OLA1: variants seen among roughly 807,000 people sequenced by gnomAD.
OLA1 encodes Obg like ATPase 1.
A neutral mutation model predicts 48.4 loss-of-function variants in OLA1; 14 were observed. That is an observed-to-expected ratio of 0.29 (90% CI 0.19 to 0.45). OLA1 has a LOEUF of 0.45. OLA1 is among the 20% of genes least tolerant of loss of function. The probability of loss-of-function intolerance (pLI) is 1.00; values close to 1 mark genes in which losing one functional copy is unlikely to be tolerated. For missense variants in OLA1, 325 were observed against 467.1 expected (o/e 0.70, Z 2.80); for synonymous variants, 127 against 150.4 (o/e 0.84, Z 1.14).
chr2:174,153,019 C>T (rs1686782965), intron 4 of OLA1, among the ~76,000 whole-genome samples: 1 of 152,106 alleles, frequency 6.6e-6, no homozygotes, highest in South Asian at 2.1e-4. Context: ...TCAATCTAGA[C>T]CAAGAGGAAT....
At chr2:174,171,415 G>A (rs1687299670) in intron 4 of OLA1, among the ~76,000 whole-genome samples, 1 of 152,082 alleles carries the variant, frequency 6.6e-6, no homozygotes, top group African/African-American at 2.4e-5. Flanking sequence ...TCACACAGAG[G>A]ATGATCCCTA....
chr2:174,189,648 G>C (rs758245113), intron 4 of OLA1, among the ~76,000 whole-genome samples: 1 of 152,104 alleles, frequency 6.6e-6, no homozygotes, highest in Non-Finnish European at 1.5e-5. Flanking sequence ...CAAGGTCATA[G>C]AGAAATAGGC....
intron 5 of OLA1, among the ~76,000 whole-genome samples, chr2:174,136,799 G>A (rs760833483): frequency 2.0e-5 from 3 of 151,856 alleles, no homozygotes; most frequent in Admixed American, 6.6e-5. Flanking sequence ...AGCCTCTCGA[G>A]TAGCTAGGAT....
intron 4 of OLA1, among the ~76,000 whole-genome samples, chr2:174,170,853 G>A (rs1172681089): frequency 1.3e-5 from 2 of 152,208 alleles, no homozygotes; most frequent in Admixed American, 6.5e-5. Flanking sequence ...GCAGTGAACC[G>A]TGATTGTGGC....
chr2:174,171,543 A>G (rs867462746), intron 4 of OLA1, among the ~76,000 whole-genome samples: 25 of 152,212 alleles, frequency 1.6e-4, no homozygotes, highest in Non-Finnish European at 3.1e-4. Context: ...CACAAGAGAA[A>G]TAAGGAAATA....
intron 4 of OLA1, among the ~76,000 whole-genome samples, chr2:174,149,644 G>C (rs1427457426): frequency 1.3e-5 from 2 of 152,116 alleles, no homozygotes; most frequent in African/African-American, 2.4e-5. Context: ...AGATATTTAC[G>C]TGGTGAGATA....
intron 2 of OLA1, among the ~76,000 whole-genome samples, chr2:174,243,750 T>C (rs1401455127): frequency 1.3e-5 from 2 of 152,224 alleles, no homozygotes; most frequent in Non-Finnish European, 2.9e-5. Flanking sequence ...ATAGTAAATG[T>C]TCAATATCTG....
intron 7 of OLA1, among the ~76,000 whole-genome samples, chr2:174,084,551 G>A (rs1022870141): frequency 6.6e-6 from 1 of 152,176 alleles, no homozygotes; most frequent in Non-Finnish European, 1.5e-5. Flanking sequence ...TTGATTTCAA[G>A]ATTATAGACT....
chr2:174,184,450 G>A (rs1687609485), intron 4 of OLA1, among the ~76,000 whole-genome samples: 1 of 152,180 alleles, frequency 6.6e-6, no homozygotes, highest in African/African-American at 2.4e-5. Flanking sequence ...TCTGAACAGT[G>A]AAGTATGTCA....
At chr2:174,192,006 T>C (rs1687787770) in intron 4 of OLA1, among the ~76,000 whole-genome samples, 1 of 152,208 alleles carries the variant, frequency 6.6e-6, no homozygotes, top group African/African-American at 2.4e-5. Context: ...AAATCTACCA[T>C]CTTGCTAGCA....
rs190903279 is a variant in OLA1 at position 174,139,636 on chromosome 2, G to T, written c.549+2189C>A. Among the ~76,000 whole-genome samples, 285 of 152,282 alleles carry T rather than the reference G, an allele frequency of 1.9e-3. 1 individual carries two copies. Among genetic ancestry groups the T allele is most frequent in the African/African-American group, 6.6e-3 (273 of 41,562 alleles). On this transcript the variant is annotated intron_variant, in intron 5 of 10. Coordinates refer to ENST00000284719, the MANE Select transcript of OLA1 (RefSeq NM_013341.5). ...AATTCCAGCACTTCGGGAGGCCGAG[G>T]TGGGTGGATCACGAGGTCAGGGGTT... is the stretch of plus-strand genomic sequence containing the variant.
At chr2:174,151,543 TAGA>T (rs1483972011) in intron 4 of OLA1, among the ~76,000 whole-genome samples, 1 of 152,212 alleles carries the variant, frequency 6.6e-6, no homozygotes, top group African/African-American at 2.4e-5. Flanking sequence ...CCTAAACCAA[TAGA>T]AGATCAATTA....
chr2:174,105,834 G>A (rs1010663288), intron 7 of OLA1, among the ~76,000 whole-genome samples: 1 of 151,922 alleles, frequency 6.6e-6, no homozygotes, highest in Non-Finnish European at 1.5e-5. Flanking sequence ...TATTCTTGAA[G>A]CAAAAATGAG....
intron 2 of OLA1, among the ~76,000 whole-genome samples, chr2:174,234,097 A>G (rs542259082): frequency 6.6e-6 from 1 of 152,108 alleles, no homozygotes; most frequent in South Asian, 2.1e-4. Flanking sequence ...CTGCCACCTG[A>G]GACAGCAAGA....
At chr2:174,176,233 C>T (rs1210724251) in intron 4 of OLA1, among the ~76,000 whole-genome samples, 3 of 152,024 alleles carry the variant, frequency 2.0e-5, no homozygotes, top group Non-Finnish European at 2.9e-5. Context: ...ACTTGATATA[C>T]ATACATTATC....
chr2:174,189,877 AC>A (rs374603118), intron 4 of OLA1, among the ~76,000 whole-genome samples: 5,348 of 53,360 alleles, frequency 0.1, 345 homozygotes, highest in African/African-American at 0.26. Flanking sequence ...AAAAAAAAAA[AC>A]AAAACACACA....
At chr2:174,133,561 ATGT>A (rs1450418703) in intron 5 of OLA1, among the ~76,000 whole-genome samples, 1 of 152,116 alleles carries the variant, frequency 6.6e-6, no homozygotes, top group Non-Finnish European at 1.5e-5. Flanking sequence ...GGGTTATGCC[ATGT>A]TGTTTTCTTG....
intron 5 of OLA1, among the ~76,000 whole-genome samples, chr2:174,137,418 A>G (rs1686335359): frequency 6.6e-6 from 1 of 152,248 alleles, no homozygotes; most frequent in African/African-American, 2.4e-5. Flanking sequence ...TCAGAATGGT[A>G]ATAAGCATTG....
intron 5 of OLA1, among the ~76,000 whole-genome samples, 180 bp downstream of exon 5, chr2:174,141,645 T>C (rs1426902881): frequency 6.6e-6 from 1 of 152,170 alleles, no homozygotes; most frequent in African/African-American, 2.4e-5. Context: ...CTAAATAGCC[T>C]ATCACCATGG....
Sources: allele counts gnomAD v4.1 joint callset (sites outside exome capture counted in the v4.1 genomes callset), GRCh38; gene constraint gnomAD v4.1.1; transcripts MANE v1.5; gene names NCBI Gene and HGNC (gene_info 2026-07-23, HGNC 2026-07-21).